Variants in RCOR3 observed in about 807,000 individuals in gnomAD.
The protein encoded by RCOR3 is REST corepressor 3.
Under a neutral mutation model 64.1 loss-of-function variants are expected in RCOR3, and 13 were observed. The observed-to-expected ratio is 0.20, with a 90% CI of 0.13 to 0.32. The LOEUF (loss-of-function observed/expected upper bound fraction) is 0.32, where lower values mean the gene tolerates loss of function less well. Among genes scored for constraint, RCOR3 ranks in the 10% least tolerant of loss-of-function variants. The probability of loss-of-function intolerance (pLI) is 1.00; values close to 1 mark genes in which losing one functional copy is unlikely to be tolerated. For synonymous variants in RCOR3, 215 were observed against 239.0 expected (o/e 0.90, Z 0.93); for missense variants, 489 against 701.2 (o/e 0.70, Z 3.42).
At chr1:211,270,461 C>T (rs191497849) in intron 2 of RCOR3, among the ~76,000 whole-genome samples, 38 of 151,680 alleles carry the variant, frequency 2.5e-4, no homozygotes, top group Non-Finnish European at 4.3e-4. Flanking sequence ...GAATAGCTGG[C>T]AGACCCTTAG....
At chr1:211,308,698 T>TTTTTTTTTTTG (rs1701171863) in intron 10 of RCOR3, among the ~76,000 whole-genome samples, 1 of 40,844 alleles carries the variant, frequency 2.4e-5, no homozygotes, top group African/African-American at 6.9e-5. Flanking sequence ...TTTTTTTTTT[T>TTTTTTTTTTTG]TGTGTAGTCC....
At chr1:211,259,998 C>A (rs891156180) in intron 1 of RCOR3, 110 bp from the exon 2 acceptor site, 12 of 1,410,536 alleles carry the variant, frequency 8.5e-6, no homozygotes, top group Non-Finnish European at 1.1e-5. Context: ...CCCATCCACC[C>A]GCCGCTTCTT....
intron 4 of RCOR3, among the ~76,000 whole-genome samples, chr1:211,274,769 T>C (rs1696710764): frequency 6.6e-6 from 1 of 151,902 alleles, no homozygotes; most frequent in African/African-American, 2.4e-5. Context: ...GTTAGGTAAC[T>C]TCAAAAGGAT....
chr1:211,313,866 T>C lies in RCOR3; in HGVS notation c.*98T>C. 1 of 1,147,758 alleles carries C rather than the reference T, an allele frequency of 8.7e-7. No homozygotes were observed. The highest frequency in any genetic ancestry group is 1.2e-6 in the Non-Finnish European group (1 of 816,248). 71.1% of individuals were successfully genotyped at this position (1,147,758 alleles called of 1,614,324 possible). A position where few individuals can be genotyped will look rare whatever the true frequency, so the allele number is the denominator to read the frequency against. ...AGAGGAAAGAATAATCATTTCTAGATACTGAGGCTGCGAACTAGTTCTGTG... is the reference window on the plus strand; with the variant it reads ...AGAGGAAAGAATAATCATTTCTAGACACTGAGGCTGCGAACTAGTTCTGTG... On this transcript the variant is annotated 3_prime_UTR_variant, in exon 12 of 12. Coordinates refer to ENST00000419091, the MANE Select transcript of RCOR3 (RefSeq NM_001136223.3). This position sits in a 1 kb window ranked among gnomAD's most constrained non-coding sequence, Gnocchi z 4.7.
chr1:211,287,280 G>A (rs1302890818), intron 7 of RCOR3, among the ~76,000 whole-genome samples: 2 of 152,028 alleles, frequency 1.3e-5, no homozygotes, highest in African/African-American at 2.4e-5. Context: ...ACAAAGTGAT[G>A]GAGTTCCCCT....
At chr1:211,270,469 T>G (rs1294890675) in intron 2 of RCOR3, among the ~76,000 whole-genome samples, 1 of 151,682 alleles carries the variant, frequency 6.6e-6, no homozygotes, top group Admixed American at 6.6e-5. Flanking sequence ...GGCAGACCCT[T>G]AGCAAGAAAT....
At chr1:211,266,451 G>A (rs1040993840) in intron 2 of RCOR3, among the ~76,000 whole-genome samples, 1 of 152,112 alleles carries the variant, frequency 6.6e-6, no homozygotes, top group Admixed American at 6.6e-5. Flanking sequence ...TAATTTCAAA[G>A]GGATTAACCT....
At chr1:211,298,312 C>T (rs1700043681) in intron 9 of RCOR3, among the ~76,000 whole-genome samples, 2 of 152,096 alleles carry the variant, frequency 1.3e-5, no homozygotes, top group African/African-American at 4.8e-5. Context: ...GGGAATACTG[C>T]AGCTGAGGTT....
rs1701657020 is a variant in RCOR3 at position 211,313,086 on chromosome 1, C to G, written c.1317+125C>G. ...AGCATGAAAGGTTGACAATACACTT[C>G]TTCAGTGGTGCATCTCTCGTGACTC... On this transcript the variant is annotated intron_variant, in intron 11 of 11. Transcript: ENST00000419091. This position sits in a 1 kb window ranked among gnomAD's most constrained non-coding sequence, Gnocchi z 4.7. The G allele has an allele frequency of 1.9e-6, 3 of 1,549,328 alleles. No homozygotes were observed. The highest frequency in any genetic ancestry group is 2.6e-6 in the Non-Finnish European group (3 of 1,152,512).
chr1:211,293,924 A>T (rs148340655), intron 8 of RCOR3, among the ~76,000 whole-genome samples: 7 of 152,334 alleles, frequency 4.6e-5, no homozygotes, highest in Non-Finnish European at 1.0e-4. Flanking sequence ...TAATATTGCT[A>T]GTAGAGTAAA....
chr1:211,282,985 G>A (rs143492609), intron 7 of RCOR3, among the ~76,000 whole-genome samples: 3 of 151,972 alleles, frequency 2.0e-5, no homozygotes, highest in African/African-American at 7.2e-5. Context: ...TTCAGTACTT[G>A]CCTTTTGTTA....
chr1:211,270,658 A>G (rs1316778339), intron 2 of RCOR3, among the ~76,000 whole-genome samples: 1 of 152,142 alleles, frequency 6.6e-6, no homozygotes, highest in Non-Finnish European at 1.5e-5. Context: ...ACCTTCTGTC[A>G]AGTAGAGATA....
intron 9 of RCOR3, among the ~76,000 whole-genome samples, chr1:211,300,910 G>A (rs906428215): frequency 3.6e-4 from 28 of 78,094 alleles, no homozygotes; most frequent in Non-Finnish European, 7.1e-4. Flanking sequence ...GTGTGTATGC[G>A]TGCGTGCGTG....
chr1:211,274,018 AT>A (rs1419147662), intron 3 of RCOR3, among the ~76,000 whole-genome samples, 191 bp from the exon 4 acceptor site: 1 of 152,142 alleles, frequency 6.6e-6, no homozygotes, highest in Non-Finnish European at 1.5e-5. Context: ...ACTAAATAAA[AT>A]TTTAAACCAG....
chr1:211,287,649 A>T (rs1698710578), intron 7 of RCOR3, among the ~76,000 whole-genome samples: 1 of 152,124 alleles, frequency 6.6e-6, no homozygotes, highest in Non-Finnish European at 1.5e-5. Flanking sequence ...TAGGTAGCCG[A>T]GGCAGTGGAT....
At chr1:211,288,286 ATTC>A (rs1300429623) in intron 7 of RCOR3, among the ~76,000 whole-genome samples, 2 of 151,770 alleles carry the variant, frequency 1.3e-5, no homozygotes, top group African/African-American at 4.8e-5. Flanking sequence ...TTTCTAGATT[ATTC>A]TTTCAGAATA....
At chr1:211,306,114 A>C (rs1167200285) in intron 10 of RCOR3, among the ~76,000 whole-genome samples, 1 of 151,482 alleles carries the variant, frequency 6.6e-6, no homozygotes, top group African/African-American at 2.5e-5. Context: ...AAATAAAACT[A>C]TATAAGGCTA....
chr1:211,262,152 C>T (rs139485591), intron 2 of RCOR3, among the ~76,000 whole-genome samples: 26,830 of 146,516 alleles, frequency 0.18, 2,686 homozygotes, highest in African/African-American at 0.28. Context: ...ATTGTCCTGC[C>T]TCAGCCTCCT....
In RCOR3 at chr1:211,292,428, T is replaced by C. The variant is rs115361859; in HGVS notation, c.939+3032T>C. On this transcript the variant is annotated intron_variant, in intron 8 of 11. Transcript: ENST00000419091. The stretch of plus-strand genomic sequence containing the variant: ...GCACTAAAAACATAAAGGAATAAAG[T>C]GTACTCAGTCACCTGTATTCATACT... Among the ~76,000 whole-genome samples the C allele has an allele frequency of 6.7e-4, 102 of 152,342 alleles. 1 individual carries two copies. The highest frequency in any genetic ancestry group is 3.4e-3 in the Middle Eastern group (1 of 294).
Sources: allele counts gnomAD v4.1 joint callset (sites outside exome capture counted in the v4.1 genomes callset), GRCh38; gene constraint gnomAD v4.1.1; non-coding constraint Gnocchi (gnomAD v3.1); transcripts MANE v1.5; gene names NCBI Gene and HGNC (gene_info 2026-07-23, HGNC 2026-07-21).